CRY1: variants seen among roughly 807,000 people sequenced by gnomAD.
CRY1 encodes the protein cryptochrome circadian regulator 1.
Under a neutral mutation model 76.0 loss-of-function variants are expected in CRY1, and 45 were observed. The observed-to-expected ratio is 0.59, with a 90% confidence interval of 0.47 to 0.76. CRY1 has a LOEUF of 0.76. Among genes scored for constraint, CRY1 ranks in the 30% least tolerant of loss-of-function variants. The probability of loss-of-function intolerance (pLI) is 0.00; values close to 1 mark genes in which losing one functional copy is unlikely to be tolerated. For missense variants in CRY1, 587 were observed against 716.4 expected, an observed-to-expected ratio of 0.82 and a Z score of 2.06; for synonymous variants, 248 against 244.0, an observed-to-expected ratio of 1.02 and a Z score of -0.15.
At chr12:107,034,235 A>C (rs1207748489) in intron 1 of CRY1, among the ~76,000 whole-genome samples, 1 of 151,952 alleles carries the variant, frequency 6.6e-6, no homozygotes, top group Non-Finnish European at 1.5e-5. Context: ...AAGTTAAGAC[A>C]CCCCCACTAA....
At position 107,005,103 on chromosome 12, in the gene CRY1, C is replaced by T; in HGVS notation, c.410+3G>A. On this transcript the variant is annotated splice_donor_region_variant and intron_variant, in intron 3 of 12. Coordinates refer to ENST00000008527, the MANE Select transcript of CRY1 (RefSeq NM_004075.5). ...CCACAGTAAAAAAAAAAAAAGGACT[C>T]ACTTGTCTAGGTCATATAATGTATG... The T allele has an allele frequency of 6.3e-7, 1 of 1,592,402 alleles. No homozygotes were observed. Among genetic ancestry groups the T allele is most frequent in the South Asian group, 1.2e-5 (1 of 85,868 alleles).
At chr12:107,058,848 T>C (rs1366994159) in intron 1 of CRY1, among the ~76,000 whole-genome samples, 1 of 152,268 alleles carries the variant, frequency 6.6e-6, no homozygotes, top group Non-Finnish European at 1.5e-5. Flanking sequence ...TGAGGCTTTC[T>C]GTACCCATAC....
At chr12:107,051,882 C>G (rs7309954) in intron 1 of CRY1, among the ~76,000 whole-genome samples, 86,631 of 151,822 alleles carry the variant, frequency 0.57, 24,914 homozygotes, top group East Asian at 0.74. Flanking sequence ...ATCAGCAGAA[C>G]ATCTACTTGG....
At chr12:107,006,564 C>A (rs1219549542) in intron 2 of CRY1, among the ~76,000 whole-genome samples, 1 of 149,830 alleles carries the variant, frequency 6.7e-6, no homozygotes, top group Non-Finnish European at 1.5e-5. Context: ...AAAGACTGTA[C>A]AAATTTATAT....
At chr12:106,993,937 G>T (rs563141829) in intron 10 of CRY1, among the ~76,000 whole-genome samples, 1 of 152,190 alleles carries the variant, frequency 6.6e-6, no homozygotes, top group East Asian at 1.9e-4. Flanking sequence ...AGACTTCTAT[G>T]TATAGTTTAT....
chr12:107,087,506 T>G (rs890290193), intron 1 of CRY1, among the ~76,000 whole-genome samples: 8 of 152,264 alleles, frequency 5.3e-5, no homozygotes, highest in African/African-American at 9.6e-5. Flanking sequence ...ATTTAATGTC[T>G]GCCCTTGTAG....
rs902963479 is a variant in CRY1, at chr12:106,999,409, C to A, written c.1137+142G>T. The A allele has an allele frequency of 9.9e-6, 7 of 707,736 alleles. No individual in the cohort carries two copies. In the African/African-American group the frequency reaches 1.3e-4, roughly 13 times the overall value. The allele number at this position is 707,736 out of a possible 1,614,324, so 43.8% of individuals were successfully genotyped here. On this transcript the variant is annotated intron_variant, in intron 7 of 12. Coordinates refer to ENST00000008527, the MANE Select transcript of CRY1 (RefSeq NM_004075.5). ...TATACCATTTTTCTCTGAAAGTGTC[C>A]CCGTATTTGGGGAATTAAATGTTTT... is the stretch of plus-strand genomic sequence containing the variant.
At chr12:107,065,030 C>T (rs1432922726) in intron 1 of CRY1, among the ~76,000 whole-genome samples, 2 of 152,168 alleles carry the variant, frequency 1.3e-5, no homozygotes, top group African/African-American at 4.8e-5. Flanking sequence ...GGCATGGTGG[C>T]TCACACCATT....
intron 2 of CRY1, among the ~76,000 whole-genome samples, chr12:107,019,117 G>C (rs1210692629): frequency 1.3e-5 from 2 of 152,142 alleles, no homozygotes; most frequent in African/African-American, 4.8e-5. Flanking sequence ...AACTCAGCTA[G>C]TTAATGACAG....
intron 2 of CRY1, among the ~76,000 whole-genome samples, 185 bp downstream of exon 2, chr12:107,021,899 A>G (rs1952562994): frequency 6.6e-6 from 1 of 152,010 alleles, no homozygotes; most frequent in Non-Finnish European, 1.5e-5. Flanking sequence ...ATTGTAAACT[A>G]TTTTCTCACT....
At chr12:107,045,437 A>T (rs1952838419) in intron 1 of CRY1, among the ~76,000 whole-genome samples, 1 of 152,280 alleles carries the variant, frequency 6.6e-6, no homozygotes. Context: ...AAGTGGGTGG[A>T]TCATGAGGTC....
intron 1 of CRY1, among the ~76,000 whole-genome samples, chr12:107,034,322 C>T (rs1054430690): frequency 2.0e-5 from 3 of 152,108 alleles, no homozygotes; most frequent in Non-Finnish European, 1.5e-5. Context: ...GAAATCTTCA[C>T]TTCTGACAAC....
At chr12:107,037,154 CAG>C (rs1428572010) in intron 1 of CRY1, among the ~76,000 whole-genome samples, 1 of 152,018 alleles carries the variant, frequency 6.6e-6, no homozygotes, top group African/African-American at 2.4e-5. Context: ...ACAGAGAAAA[CAG>C]AACATCACAG....
chr12:107,065,520 T>A (rs1331662246), intron 1 of CRY1, among the ~76,000 whole-genome samples: 2 of 150,882 alleles, frequency 1.3e-5, no homozygotes, highest in African/African-American at 4.9e-5. Context: ...ACTTGAACAC[T>A]GGAGGTTGAG....
At chr12:106,995,431 A>G (rs1393228999) in intron 10 of CRY1, among the ~76,000 whole-genome samples, 1 of 152,204 alleles carries the variant, frequency 6.6e-6, no homozygotes, top group Non-Finnish European at 1.5e-5. Flanking sequence ...GCATTCCTCA[A>G]ATGCTACCCT....
chr12:107,015,973 A>G (rs12814929), intron 2 of CRY1, among the ~76,000 whole-genome samples: 2 of 152,230 alleles, frequency 1.3e-5, no homozygotes, highest in African/African-American at 4.8e-5. Context: ...GTGTATCACA[A>G]TTACTTGTTA....
intron 1 of CRY1, among the ~76,000 whole-genome samples, chr12:107,031,194 G>A (rs1373308185): frequency 6.6e-6 from 1 of 152,072 alleles, no homozygotes; most frequent in Non-Finnish European, 1.5e-5. Context: ...CAGGTCACAG[G>A]GAGCTAAAGT....
intron 1 of CRY1, among the ~76,000 whole-genome samples, chr12:107,026,129 A>AT (rs1471086270): frequency 8.7e-4 from 31 of 35,454 alleles, no homozygotes; most frequent in African/African-American, 3.2e-3. Context: ...TATTATATAT[A>AT]ATTACATATA....
chr12:107,064,315 C>T (rs957993683), intron 1 of CRY1, among the ~76,000 whole-genome samples: 7 of 152,124 alleles, frequency 4.6e-5, no homozygotes, highest in Admixed American at 3.9e-4. Flanking sequence ...TAGAGTAACA[C>T]ACTTCACCAA....
Sources: allele counts gnomAD v4.1 joint callset (sites outside exome capture counted in the v4.1 genomes callset), GRCh38; gene constraint gnomAD v4.1.1; transcripts MANE v1.5; gene names NCBI Gene and HGNC (gene_info 2026-07-23, HGNC 2026-07-21).